IKZF1: variants seen among roughly 807,000 people sequenced by gnomAD.
IKZF1 encodes IKAROS family zinc finger 1, also known as DNA-binding protein Ikaros.
In IKZF1, 10 loss-of-function variants were observed where a neutral mutation model predicts 51.7. The observed-to-expected ratio is 0.19, with a 90% CI of 0.12 to 0.33. The LOEUF (loss-of-function observed/expected upper bound fraction) is 0.33, where lower values mean the gene tolerates loss of function less well. Ranked by LOEUF, IKZF1 falls within the 10% of genes least tolerant of loss-of-function variation. The probability of loss-of-function intolerance (pLI) is 1.00; values close to 1 mark genes in which losing one functional copy is unlikely to be tolerated. For missense variants in IKZF1, 484 were observed against 707.5 expected, an observed-to-expected ratio of 0.68 and a Z score of 3.58; for synonymous variants, 280 against 282.3, an observed-to-expected ratio of 0.99 and a Z score of 0.08.
chr7:50,315,569 G>T (rs1791344657), intron 1 of IKZF1, among the ~76,000 whole-genome samples: 1 of 152,218 alleles, frequency 6.6e-6, no homozygotes, highest in Non-Finnish European at 1.5e-5. Flanking sequence ...GTAAAAGGTA[G>T]TTTGCTGATA....
chr7:50,367,257 A>G (rs1333451216), intron 3 of IKZF1, among the ~76,000 whole-genome samples: 2 of 152,156 alleles, frequency 1.3e-5, no homozygotes, highest in Non-Finnish European at 2.9e-5. Context: ...TTTAACAGCT[A>G]CACTGTGTAC....
chr7:50,361,931 T>G (rs1287928903), intron 3 of IKZF1, among the ~76,000 whole-genome samples: 1 of 152,210 alleles, frequency 6.6e-6, no homozygotes, highest in South Asian at 2.1e-4. Context: ...ACCTGCTGTT[T>G]CCTTTCTTGT....
At chr7:50,390,876 A>G (rs1387861464) in intron 6 of IKZF1, among the ~76,000 whole-genome samples, 2 of 152,248 alleles carry the variant, frequency 1.3e-5, no homozygotes, top group African/African-American at 4.8e-5. Context: ...ATCAGCATGA[A>G]ATATCCGAGG....
intron 3 of IKZF1, among the ~76,000 whole-genome samples, chr7:50,373,549 C>T (rs1809353258): frequency 6.6e-6 from 1 of 152,198 alleles, no homozygotes; most frequent in South Asian, 2.1e-4. Flanking sequence ...TAGGCCTACA[C>T]CTTCGCTATA....
intron 7 of IKZF1, among the ~76,000 whole-genome samples, chr7:50,398,516 C>G (rs1817300774): frequency 6.6e-6 from 1 of 152,242 alleles, no homozygotes; most frequent in Non-Finnish European, 1.5e-5. Context: ...CTGACTCTTA[C>G]AAGATCAGAA....
chr7:50,321,103 A>G (rs1793149288), intron 2 of IKZF1, among the ~76,000 whole-genome samples: 1 of 152,224 alleles, frequency 6.6e-6, no homozygotes, highest in Admixed American at 6.5e-5. Context: ...CATAACGTTT[A>G]GGAAAATTCT....
intron 4 of IKZF1, chr7:50,377,142 A>G (rs189623467): frequency 6.9e-4 from 152 of 220,342 alleles, no homozygotes; most frequent in Middle Eastern, 3.3e-3. Context: ...CCTCCACAAA[A>G]CAAAAAATCC....
At chr7:50,354,919 G>C (rs1341113530) in intron 3 of IKZF1, among the ~76,000 whole-genome samples, 1 of 152,144 alleles carries the variant, frequency 6.6e-6, no homozygotes, top group African/African-American at 2.4e-5. Flanking sequence ...TCAGTACTAT[G>C]CTTCAGCGTC....
intron 3 of IKZF1, among the ~76,000 whole-genome samples, chr7:50,333,608 A>C (rs1796898673): frequency 6.6e-6 from 1 of 152,246 alleles, no homozygotes; most frequent in Non-Finnish European, 1.5e-5. Flanking sequence ...AGCTGAACTC[A>C]AGCATGTTCA....
At chr7:50,396,905 G>T (rs1324738926) in intron 7 of IKZF1, among the ~76,000 whole-genome samples, 1 of 152,188 alleles carries the variant, frequency 6.6e-6, no homozygotes, top group Non-Finnish European at 1.5e-5. Flanking sequence ...CTGGGGCTTT[G>T]GGCCATCTTC....
intron 2 of IKZF1, among the ~76,000 whole-genome samples, chr7:50,321,801 C>A (rs752640866): frequency 3.3e-5 from 5 of 152,008 alleles, no homozygotes; most frequent in Non-Finnish European, 7.4e-5. Context: ...CTTGTCTTTA[C>A]CATAATACAA....
At chr7:50,306,887 A>G (rs536160917) in intron 1 of IKZF1, among the ~76,000 whole-genome samples, 1 of 152,340 alleles carries the variant, frequency 6.6e-6, no homozygotes, top group Non-Finnish European at 1.5e-5. Flanking sequence ...TTGAAATAGG[A>G]AAGAACTCTC....
At chr7:50,394,672 G>A (rs114402519) in intron 7 of IKZF1, among the ~76,000 whole-genome samples, 1 of 152,086 alleles carries the variant, frequency 6.6e-6, no homozygotes, top group Non-Finnish European at 1.5e-5. Flanking sequence ...TCTTAAGAAT[G>A]TAAGATTTTC....
chr7:50,399,587 A>T (rs536837479), intron 7 of IKZF1, among the ~76,000 whole-genome samples: 2 of 152,358 alleles, frequency 1.3e-5, no homozygotes, highest in Non-Finnish European at 2.9e-5. Context: ...TATTAAATGA[A>T]ATACAATAAC....
intron 3 of IKZF1, chr7:50,328,013 C>T (rs1406091930): frequency 3.4e-5 from 15 of 436,054 alleles, no homozygotes; most frequent in South Asian, 6.5e-5. Context: ...TGCCCAGGGA[C>T]GCGTCTCTGT....
At chr7:50,394,446 T>C (rs1816101630) in intron 7 of IKZF1, 1 of 232,872 alleles carries the variant, frequency 4.3e-6, no homozygotes, top group African/African-American at 2.2e-5. Flanking sequence ...ATACAGCTGT[T>C]ATCACACAAG....
chr7:50,389,669 G>T (rs1383233901), intron 6 of IKZF1, among the ~76,000 whole-genome samples: 13 of 152,360 alleles, frequency 8.5e-5, no homozygotes, highest in Non-Finnish European at 2.9e-5. Context: ...GCCCTTGCCA[G>T]CACCTGGCCC....
chr7:50,322,217 G>C (rs1793560190), intron 2 of IKZF1, among the ~76,000 whole-genome samples: 1 of 152,206 alleles, frequency 6.6e-6, no homozygotes, highest in South Asian at 2.1e-4. Flanking sequence ...AACCAAATAG[G>C]AGTTGACATT....
chr7:50,371,690 G>A (rs1018671939), intron 3 of IKZF1, among the ~76,000 whole-genome samples: 6 of 152,224 alleles, frequency 3.9e-5, no homozygotes, highest in African/African-American at 1.4e-4. Context: ...TCCACCCTCA[G>A]GGGCCAAGCT....
Sources: allele counts gnomAD v4.1 joint callset (sites outside exome capture counted in the v4.1 genomes callset), GRCh38; gene constraint gnomAD v4.1.1; transcripts MANE v1.5; gene names NCBI Gene and HGNC (gene_info 2026-07-23, HGNC 2026-07-21).